DNAH9: variants seen among roughly 807,000 people sequenced by gnomAD.
DNAH9 encodes dynein axonemal heavy chain 9.
Under a neutral mutation model 471.6 loss-of-function variants are expected in DNAH9, and 345 were observed. The observed-to-expected ratio is 0.73, with a 90% CI of 0.67 to 0.80. DNAH9 has a LOEUF of 0.80. Among genes scored for constraint, DNAH9 ranks in the 30% least tolerant of loss-of-function variants. The pLI is 0.00. For synonymous variants in DNAH9, 2,093 were observed against 2,123.6 expected (o/e 0.99, Z 0.40); for missense variants, 5,407 against 5,609.2 (o/e 0.96, Z 1.15).
intron 26 of DNAH9, among the ~76,000 whole-genome samples, chr17:11,715,065 G>A (rs971423843): frequency 2.6e-5 from 4 of 152,222 alleles, no homozygotes; most frequent in African/African-American, 9.7e-5. Flanking sequence ...CACAGCAATA[G>A]AAAATTAATA....
At chr17:11,671,658 C>T (rs2073974625) in intron 17 of DNAH9, among the ~76,000 whole-genome samples, 1 of 152,196 alleles carries the variant, frequency 6.6e-6, no homozygotes, top group Admixed American at 6.5e-5. Flanking sequence ...GGAAAGTGTG[C>T]TCACGAGCCA....
At chr17:11,665,970 T>C (rs182628661) in intron 15 of DNAH9, among the ~76,000 whole-genome samples, 86 of 152,256 alleles carry the variant, frequency 5.6e-4, no homozygotes, top group African/African-American at 2.0e-3. Context: ...ATGGTCTTGA[T>C]AGGTAGAATG....
At chr17:11,864,926 GA>G (rs1971988997) in intron 50 of DNAH9, among the ~76,000 whole-genome samples, 1 of 152,094 alleles carries the variant, frequency 6.6e-6, no homozygotes, top group African/African-American at 2.4e-5. Flanking sequence ...CTCTGCATGT[GA>G]GATGGGTTTC....
chr17:11,726,504 CTT>C (rs2075154739), intron 27 of DNAH9, among the ~76,000 whole-genome samples: 1 of 152,178 alleles, frequency 6.6e-6, no homozygotes, highest in South Asian at 2.1e-4. Flanking sequence ...GCGGAATAAA[CTT>C]TGTGAAGTAC....
chr17:11,954,461 G>T (rs974885002), intron 67 of DNAH9, among the ~76,000 whole-genome samples: 2 of 151,852 alleles, frequency 1.3e-5, no homozygotes, highest in Non-Finnish European at 2.9e-5. Context: ...ATATTTAAAG[G>T]ATCAAAGAAA....
In DNAH9 at chr17:11,894,326, C is replaced by T. The variant is rs1349610258; in HGVS notation, c.11284-48C>T. 1.9e-6 allele frequency: 3 copies of T among 1,603,394 alleles called. No individual in the cohort carries two copies. In the Admixed American group the frequency reaches 5.0e-5, roughly 27 times the overall value. Reference sequence around the variant, plus strand: ...GTGACAACCCCTAAGATTTCTAGGACTCTGGCTACAAGCTAAAGAAATGCA... The same window carrying T: ...GTGACAACCCCTAAGATTTCTAGGATTCTGGCTACAAGCTAAAGAAATGCA... On this transcript the variant is annotated intron_variant, in intron 58 of 68. Transcript: ENST00000262442.
intron 48 of DNAH9, among the ~76,000 whole-genome samples, chr17:11,834,147 G>C (rs1597713060): frequency 6.6e-6 from 1 of 151,842 alleles, no homozygotes; most frequent in Non-Finnish European, 1.5e-5. Flanking sequence ...TGACCAACAT[G>C]GTGAAACCAC....
At chr17:11,683,401 T>C (rs1009340785) in intron 19 of DNAH9, among the ~76,000 whole-genome samples, 2 of 152,272 alleles carry the variant, frequency 1.3e-5, no homozygotes, top group African/African-American at 4.8e-5. Context: ...CCCGAACTCC[T>C]GACCTCGTGA....
chr17:11,938,110 G>A (rs72815456), intron 66 of DNAH9, among the ~76,000 whole-genome samples: 2,439 of 152,274 alleles, frequency 0.016, 31 homozygotes, highest in Non-Finnish European at 0.024. Context: ...ACCAGGGTGA[G>A]GTGTGGGTTT....
At chr17:11,923,073 T>TTTTTG (rs1429138005) in intron 61 of DNAH9, among the ~76,000 whole-genome samples, 2 of 99,894 alleles carry the variant, frequency 2.0e-5, no homozygotes, top group Non-Finnish European at 4.2e-5. Context: ...TTTGTTTTGG[T>TTTTTG]TTTTGTTTTG....
intron 58 of DNAH9, 32 bp downstream of exon 58, chr17:11,891,979 C>T (rs1973066558): frequency 6.2e-7 from 1 of 1,608,126 alleles, no homozygotes; most frequent in African/African-American, 1.3e-5. Context: ...TTCCAGAAAA[C>T]AGGTTATTTT....
At chr17:11,642,943 C>T (rs559488611) in intron 10 of DNAH9, among the ~76,000 whole-genome samples, 4 of 152,248 alleles carry the variant, frequency 2.6e-5, no homozygotes, top group East Asian at 3.9e-4. Context: ...TCTCTGCAGG[C>T]GCTAGGGCTT....
intron 60 of DNAH9, among the ~76,000 whole-genome samples, chr17:11,905,004 C>T (rs935930067): frequency 4.0e-5 from 6 of 151,888 alleles, no homozygotes; most frequent in South Asian, 2.1e-4. Flanking sequence ...GAGGCTGAGG[C>T]GGGTGGATCA....
At chr17:11,775,063 G>C (rs1968368113) in intron 38 of DNAH9, among the ~76,000 whole-genome samples, 1 of 152,014 alleles carries the variant, frequency 6.6e-6, no homozygotes, top group African/African-American at 2.4e-5. Flanking sequence ...CAACTGATCT[G>C]CTTTCTATCA....
intron 53 of DNAH9, among the ~76,000 whole-genome samples, chr17:11,876,751 ACT>A (rs1972502067): frequency 3.3e-5 from 5 of 151,932 alleles, no homozygotes; most frequent in African/African-American, 1.2e-4. Context: ...ACGGAGTCTC[ACT>A]CTGTCACCCA....
chr17:11,741,151 G>GA (rs1307791668), intron 29 of DNAH9, among the ~76,000 whole-genome samples: 1 of 152,018 alleles, frequency 6.6e-6, no homozygotes, highest in Non-Finnish European at 1.5e-5. Flanking sequence ...AATATTTCAA[G>GA]AAAAAATGTG....
chr17:11,888,268 C>A lies in DNAH9; in HGVS notation c.11112+1303C>A, dbSNP rs59102836. On this transcript the variant is annotated intron_variant, in intron 57 of 68. Transcript: ENST00000262442. ...AAAGTGCTGGGATTACAGGCGTGAG[C>A]CACTGCACCCGGTCCCATATTTTAC... Among the ~76,000 whole-genome samples, 770 of 152,266 alleles carry A rather than the reference C, an allele frequency of 5.1e-3. 15 individuals are homozygous for A. The highest frequency in any genetic ancestry group is 0.018 in the African/African-American group (746 of 41,542).
intron 49 of DNAH9, among the ~76,000 whole-genome samples, chr17:11,838,573 C>A (rs1043100174): frequency 1.3e-5 from 2 of 151,848 alleles, no homozygotes; most frequent in African/African-American, 4.8e-5. Flanking sequence ...CTGTGAAGAC[C>A]CAGATGAATG....
At position 11,797,804 on chromosome 17, in the gene DNAH9, T is replaced by C. The variant is rs1490054027; in HGVS notation, c.8420+11T>C. 6.2e-7 allele frequency: 1 copy of C among 1,607,846 alleles called. No homozygotes were observed. The highest frequency in any genetic ancestry group is 8.5e-7 in the Non-Finnish European group (1 of 1,177,000). On this transcript the variant is annotated intron_variant, in intron 43 of 68. Coordinates refer to ENST00000262442, the MANE Select transcript of DNAH9 (RefSeq NM_001372.4). ...TGCCATGCGCCATGTGTAAGTGTGCTTCTCCTCTTCCTTTTCCTCAGTTGC... is the reference window on the plus strand; with the variant it reads ...TGCCATGCGCCATGTGTAAGTGTGCCTCTCCTCTTCCTTTTCCTCAGTTGC...
Sources: gnomAD v4.1 joint callset for allele counts (sites outside exome capture counted in the v4.1 genomes callset) on GRCh38, gnomAD v4.1.1 for gene constraint, MANE v1.5 for transcripts, NCBI Gene and HGNC (gene_info 2026-07-23, HGNC 2026-07-21) for gene names.